The following PTCH1 variants were observed in gnomAD, a reference collection of about 807,000 sequenced individuals.
The protein encoded by PTCH1 is patched 1.
Under a neutral mutation model 144.6 loss-of-function variants are expected in PTCH1, and 14 were observed. The observed-to-expected ratio is 0.10, with a 90% CI of 0.06 to 0.15. PTCH1 has a LOEUF of 0.15. Ranked by LOEUF, PTCH1 falls within the 10% of genes least tolerant of loss-of-function variation. The pLI, the probability that PTCH1 is intolerant of heterozygous loss-of-function variation, is 1.00. For missense variants in PTCH1, 1,623 were observed against 1,948.3 expected (o/e 0.83, Z 3.14); for synonymous variants, 833 against 793.6 (o/e 1.05, Z -0.83).
chr9:95,481,651 TTTTA>T (rs1564057311), intron 5 of PTCH1, among the ~76,000 whole-genome samples: 1 of 152,232 alleles, frequency 6.6e-6, no homozygotes, highest in Non-Finnish European at 1.5e-5. Context: ...ACTACGAACA[TTTTA>T]AAGAGTTAAA....
intron 2 of PTCH1, among the ~76,000 whole-genome samples, chr9:95,490,499 G>A (rs1256459508): frequency 7.2e-6 from 1 of 138,428 alleles, no homozygotes. Context: ...ACAAAACCCA[G>A]AAAAACAAAA....
intron 2 of PTCH1, among the ~76,000 whole-genome samples, chr9:95,497,294 C>T (rs1278000347): frequency 6.6e-6 from 1 of 152,206 alleles, no homozygotes; most frequent in East Asian, 1.9e-4. Flanking sequence ...CTGGCAGCAT[C>T]GTACGACACG....
chr9:95,462,823 C>T (rs1839620555), intron 15 of PTCH1, among the ~76,000 whole-genome samples: 1 of 152,212 alleles, frequency 6.6e-6, no homozygotes, highest in Non-Finnish European at 1.5e-5. Context: ...CCCGCCAGCA[C>T]ACCACACACA....
chr9:95,459,713 G>C lies in PTCH1; in HGVS notation c.2774C>G (p.Ala925Gly). ...CGCGACGGGGTCGTTGCTGACCCAA[G>C]CCGTCAGGTAGATGTAGAAAGCGCT... ...NPSAFYIYLT[A>G]WVSNDPVAYA... The change falls in exon 17 of 24, where the codon GCT becomes GGT. Residue 925 changes from alanine to glycine, a missense_variant. This residue lies in a region of PTCH1 where 504 missense variants were observed against 679.3 expected (regional missense o/e 0.74). Transcript: ENST00000331920. 1 of 1,614,226 alleles carries C rather than the reference G, an allele frequency of 6.2e-7. No individual in the cohort carries two copies. The highest frequency in any genetic ancestry group is 2.2e-5 in the East Asian group (1 of 44,888).
chr9:95,453,718 A>G (rs1838675373), intron 19 of PTCH1, 98 bp from the exon 20 acceptor site: 3 of 1,517,452 alleles, frequency 2.0e-6, no homozygotes, highest in Admixed American at 1.8e-5. Context: ...AACTGCTCAC[A>G]TCTTACTGTT....
At chr9:95,507,356 G>GCGCTGGCC (rs1191358739) in intron 1 of PTCH1, 30 of 985,256 alleles carry the variant, frequency 3.0e-5, no homozygotes, top group Non-Finnish European at 3.5e-5. Flanking sequence ...CTGCTCCCCG[G>GCGCTGGCC]CGCGGCATTT....
At chr9:95,467,050 A>G (rs1333571775) in intron 15 of PTCH1, 66 bp downstream of exon 15, 3 of 1,532,244 alleles carry the variant, frequency 2.0e-6, no homozygotes, top group Non-Finnish European at 2.7e-6. Context: ...TAATCATGAC[A>G]AAGGAACCTG....
At chr9:95,506,002 G>A (rs1158461610) in intron 2 of PTCH1, among the ~76,000 whole-genome samples, 4 of 147,982 alleles carry the variant, frequency 2.7e-5, no homozygotes, top group South Asian at 4.1e-4. Flanking sequence ...CGGTGGGTGG[G>A]GGTGGGGGAG....
intron 12 of PTCH1, among the ~76,000 whole-genome samples, chr9:95,470,371 TC>T (rs1315137657): frequency 1.3e-5 from 2 of 152,054 alleles, no homozygotes; most frequent in Non-Finnish European, 2.9e-5. Flanking sequence ...TATCAAAATG[TC>T]CCCCTTTAAA....
intron 7 of PTCH1, 65 bp from the exon 8 acceptor site, chr9:95,479,212 A>G: frequency 4.4e-6 from 7 of 1,606,236 alleles, no homozygotes; most frequent in Non-Finnish European, 6.0e-6. Flanking sequence ...CACTGCCTCA[A>G]ATCCCCAGCC....
chr9:95,489,594 C>T (rs1253645557), intron 2 of PTCH1, among the ~76,000 whole-genome samples: 2 of 152,166 alleles, frequency 1.3e-5, no homozygotes, highest in Admixed American at 1.3e-4. Context: ...TTAAGTAATC[C>T]TCCTGCCTTG....
At chr9:95,469,666 C>G in intron 13 of PTCH1, 147 bp downstream of exon 13, 1 of 844,446 alleles carries the variant, frequency 1.2e-6, no homozygotes, top group South Asian at 1.3e-5. Context: ...CCTAGGGAAG[C>G]AGCCTCTGTC....
rs138467313 is a variant in PTCH1 at position 95,447,834 on chromosome 9, G to C, written c.3805-383C>G. On this transcript the variant is annotated intron_variant, in intron 22 of 23. Coordinates refer to ENST00000331920, the MANE Select transcript of PTCH1 (RefSeq NM_000264.5). Reference sequence around the variant, plus strand: ...CTAAGTGTGCGGCCCTGGCTGGCCTGAGTGCAGGACGCTGGCAGGACTGTC... The same window carrying C: ...CTAAGTGTGCGGCCCTGGCTGGCCTCAGTGCAGGACGCTGGCAGGACTGTC... Among the ~76,000 whole-genome samples, 284 of 152,356 alleles carry C rather than the reference G, an allele frequency of 1.9e-3. 2 individuals are homozygous for C. Among genetic ancestry groups the C allele is most frequent in the Admixed American group, 5.0e-3 (77 of 15,308 alleles).
intron 1 of PTCH1, 39 bp from the exon 2 acceptor site, chr9:95,506,638 G>A (rs772924587): frequency 6.2e-6 from 9 of 1,456,840 alleles, no homozygotes; most frequent in Admixed American, 4.0e-5. Context: ...GCGCCGGGGA[G>A]TCGCGGCCCG....
chr9:95,508,842 C>A lies in PTCH1; in HGVS notation c.-481G>T. On this transcript the variant is annotated 5_prime_UTR_variant, in exon 1 of 24. Coordinates refer to ENST00000331920, the MANE Select transcript of PTCH1 (RefSeq NM_000264.5). ...CCGCGCTGGCTCTCTCGGCGCCTCC[C>A]GGGTCGCCCGAGCGGCCGCGGAGGG... 1 of 983,950 alleles carries A rather than the reference C, an allele frequency of 1.0e-6. No individual in the cohort carries two copies. Among genetic ancestry groups the A allele is most frequent in the Non-Finnish European group, 1.2e-6 (1 of 829,360 alleles). 61.0% of individuals were successfully genotyped at this position (983,950 alleles called of 1,614,324 possible).
upstream of PTCH1, among the ~76,000 whole-genome samples, chr9:95,510,641 G>C (rs1205997835): frequency 6.6e-6 from 1 of 151,814 alleles, no homozygotes; most frequent in African/African-American, 2.4e-5. Context: ...AAACGGGGTT[G>C]AACTGCAGAG....
chr9:95,487,311 A>G (rs1169920279), intron 2 of PTCH1, among the ~76,000 whole-genome samples: 1 of 152,246 alleles, frequency 6.6e-6, no homozygotes, highest in Non-Finnish European at 1.5e-5. Context: ...GTTAATAAAA[A>G]GGAATAAGAC....
At chr9:95,516,535 CACATCAA>C in exon 1 of PTCH1, 2 of 1,538,576 alleles carry the variant, frequency 1.3e-6, no homozygotes, top group African/African-American at 1.4e-5. Context: ...GCTTGGATTT[CACATCAA>C]TTCCTTTTTT....
rs755854293 is a variant in PTCH1 at position 95,485,852 on chromosome 9, T to C, written c.417A>G (p.Glu139=). ...CAATCTTCTGGCGAGTATAATTTAA[T>C]TCACGACTTACTCGTCCTCCAACTG... ...WVEVGGRVSR[E]LNYTRQKIGE... The change falls in exon 3 of 24, where the codon GAA becomes GAG. Residue 139 remains glutamate (E), a synonymous_variant. Transcript: ENST00000331920. 3 of 1,614,254 alleles carry C rather than the reference T, an allele frequency of 1.9e-6. No homozygotes were observed. Among genetic ancestry groups the C allele is most frequent in the Non-Finnish European group, 2.5e-6 (3 of 1,180,056 alleles).
Sources: gnomAD v4.1 joint callset for allele counts (sites outside exome capture counted in the v4.1 genomes callset) on GRCh38, gnomAD v4.1.1 for gene constraint, gnomAD v4.1.1 regional missense constraint, MANE v1.5 for transcripts, NCBI Gene and HGNC (gene_info 2026-07-23, HGNC 2026-07-21) for gene names.